ADGRG6: variants seen among roughly 807,000 people sequenced by gnomAD.
ADGRG6 encodes the protein adhesion G protein-coupled receptor G6, also known as G-protein coupled receptor 126.
In ADGRG6, 84 loss-of-function variants were observed where a neutral mutation model predicts 142.4. The observed-to-expected ratio is 0.59, with a 90% CI of 0.49 to 0.71. The LOEUF is 0.71. ADGRG6 is among the 30% of genes least tolerant of loss of function. The pLI, the probability that ADGRG6 is intolerant of heterozygous loss-of-function variation, is 0.00. For synonymous variants in ADGRG6, 521 were observed against 520.5 expected, an observed-to-expected ratio of 1.00 and a Z score of -0.01; for missense variants, 1,367 against 1,466.6, an observed-to-expected ratio of 0.93 and a Z score of 1.11.
At chr6:142,372,502 G>A (rs1045228044) in intron 4 of ADGRG6, among the ~76,000 whole-genome samples, 2 of 152,130 alleles carry the variant, frequency 1.3e-5, no homozygotes, top group Non-Finnish European at 2.9e-5. Context: ...CCACCTGTTC[G>A]TGTGGTCCAT....
chr6:142,376,498 A>AT (rs1210800592), intron 4 of ADGRG6, among the ~76,000 whole-genome samples: 31 of 152,048 alleles, frequency 2.0e-4, no homozygotes, highest in Middle Eastern at 3.4e-3. Context: ...CCTCTCTAGG[A>AT]TTTTTTACAG....
rs140766450 is a variant in ADGRG6, at chr6:142,398,458, T to G, written c.1567+703T>G. 2.6e-5 allele frequency among the ~76,000 whole-genome samples: 4 copies of G among 152,234 alleles called. No individual in the cohort carries two copies. The East Asian group carries it at 7.7e-4, about 29-fold the overall frequency. ...AAACAGAAAACGTCTCCTTCTCTCA[T>G]GTTCCCTGTCTCTATTAGTGATACC... On this transcript the variant is annotated intron_variant, in intron 10 of 24. Coordinates refer to ENST00000367609, the MANE Select transcript of ADGRG6 (RefSeq NM_198569.3).
intron 2 of ADGRG6, among the ~76,000 whole-genome samples, chr6:142,322,786 A>T (rs1232281929): frequency 6.6e-6 from 1 of 152,030 alleles, no homozygotes. Flanking sequence ...TTTTAATGTA[A>T]CAGAGTGGTT....
At chr6:142,434,855 C>A (rs1369065737) in intron 22 of ADGRG6, among the ~76,000 whole-genome samples, 4 of 152,028 alleles carry the variant, frequency 2.6e-5, no homozygotes, top group Non-Finnish European at 4.4e-5. Flanking sequence ...GTGATCAGGA[C>A]CCATCATGTA....
intron 2 of ADGRG6, among the ~76,000 whole-genome samples, chr6:142,317,369 T>C (rs1778136394): frequency 6.6e-6 from 1 of 151,984 alleles, no homozygotes; most frequent in South Asian, 2.1e-4. Context: ...AATCAGTAAA[T>C]GTGTAGCAAA....
intron 14 of ADGRG6, chr6:142,405,216 T>C (rs1383984452): frequency 5.2e-6 from 2 of 384,286 alleles, no homozygotes; most frequent in East Asian, 7.2e-5. Context: ...GCATTCTTTG[T>C]CCTTGAGCTA....
rs1488294396 is a variant in ADGRG6, at chr6:142,400,581, C to T, written c.1664C>T (p.Ser555Phe). The T allele has an allele frequency of 1.3e-6, 2 of 1,571,826 alleles. No individual in the cohort carries two copies. The highest frequency in any genetic ancestry group is 3.3e-5 in the Admixed American group (2 of 59,734). ...VLPCPDKPGF[S>F]ASRICFYNAT... ...CCTTGTCCAGACAAGCCTGGCTTTTCTGCTTCTCGGATATGGTAATATTTT... is the reference window on the plus strand; with the variant it reads ...CCTTGTCCAGACAAGCCTGGCTTTTTTGCTTCTCGGATATGGTAATATTTT... Residue 555 changes from serine (S) to phenylalanine (F), a missense_variant, in exon 11 of 25, where the codon TCT (serine) becomes TTT (phenylalanine). Ser to Phe is a radical substitution (Grantham distance 155). This residue lies in a region of ADGRG6 where 737 missense variants were observed against 746.5 expected (regional missense o/e 0.99). Coordinates refer to ENST00000367609, the MANE Select transcript of ADGRG6 (RefSeq NM_198569.3).
At chr6:142,404,552 G>A (rs1047007401) in intron 14 of ADGRG6, among the ~76,000 whole-genome samples, 2 of 152,086 alleles carry the variant, frequency 1.3e-5, no homozygotes, top group Non-Finnish European at 2.9e-5. Flanking sequence ...GCTGAGGCAC[G>A]AGAATCACTT....
rs772304278 is a variant in ADGRG6, at chr6:142,370,267, T to C, written c.543T>C (p.Ser181=). Residue 181 remains serine (S), a synonymous_variant, in exon 4 of 25, where the codon AGT becomes AGC. Transcript: ENST00000367609. Reference sequence around the variant, plus strand: ...AAAGCATCTCTATTCCAGAGCTCAGTGCTTTCACACTCTGCTTTGAAGCAA... The same window carrying C: ...AAAGCATCTCTATTCCAGAGCTCAGCGCTTTCACACTCTGCTTTGAAGCAA... The part of the protein sequence containing the change: ...VAKSISIPEL[S]AFTLCFEATK... The C allele has an allele frequency of 1.2e-6, 2 of 1,613,820 alleles. No homozygotes were observed. Among genetic ancestry groups the C allele is most frequent in the Non-Finnish European group, 1.7e-6 (2 of 1,179,760 alleles).
intron 7 of ADGRG6, among the ~76,000 whole-genome samples, chr6:142,391,253 A>G (rs1275817302): frequency 6.6e-6 from 1 of 151,712 alleles, no homozygotes; most frequent in Non-Finnish European, 1.5e-5. Context: ...TCCTACCTAC[A>G]GCATACTGTG....
At chr6:142,349,828 TA>T (rs1780077696) in intron 2 of ADGRG6, among the ~76,000 whole-genome samples, 1 of 152,218 alleles carries the variant, frequency 6.6e-6, no homozygotes, top group South Asian at 2.1e-4. Flanking sequence ...TCTGTCTGGC[TA>T]AAAAGCTCAT....
chr6:142,382,083 G>T, intron 5 of ADGRG6, 64 bp downstream of exon 5: 2 of 940,062 alleles, frequency 2.1e-6, no homozygotes, highest in South Asian at 3.0e-5. Context: ...GGGTAATGTG[G>T]TTGTCATTGT....
At chr6:142,428,880 T>C (rs371975989) in intron 22 of ADGRG6, among the ~76,000 whole-genome samples, 4 of 152,138 alleles carry the variant, frequency 2.6e-5, no homozygotes, top group African/African-American at 9.7e-5. Flanking sequence ...AGAGTAAACA[T>C]TTTGTTGATT....
At chr6:142,426,447 G>C (rs1436425184) in intron 22 of ADGRG6, among the ~76,000 whole-genome samples, 1 of 152,160 alleles carries the variant, frequency 6.6e-6, no homozygotes, top group Non-Finnish European at 1.5e-5. Context: ...CAAGAGGTGG[G>C]TTCCCATGGT....
intron 21 of ADGRG6, among the ~76,000 whole-genome samples, chr6:142,418,645 C>G (rs1776495550): frequency 6.6e-6 from 1 of 152,006 alleles, no homozygotes; most frequent in South Asian, 2.1e-4. Flanking sequence ...ACTGCTATAC[C>G]ATTAGGACAT....
At chr6:142,338,110 TC>T (rs1308456311) in intron 2 of ADGRG6, among the ~76,000 whole-genome samples, 1 of 141,574 alleles carries the variant, frequency 7.1e-6, no homozygotes, top group Non-Finnish European at 1.5e-5. Context: ...AAGCTCTGCC[TC>T]CCGGGTTCAC....
At chr6:142,441,646 A>G (rs538431308) in intron 24 of ADGRG6, among the ~76,000 whole-genome samples, 1 of 152,318 alleles carries the variant, frequency 6.6e-6, no homozygotes, top group Non-Finnish European at 1.5e-5. Context: ...TTACAAAGGA[A>G]ACAGAGTGAC....
chr6:142,363,146 C>T (rs1780797065), intron 2 of ADGRG6, among the ~76,000 whole-genome samples: 1 of 152,096 alleles, frequency 6.6e-6, no homozygotes, highest in Non-Finnish European at 1.5e-5. Context: ...CCATTTAACA[C>T]AGTCTAGAAG....
chr6:142,425,882 G>A (rs1448487210), intron 22 of ADGRG6, among the ~76,000 whole-genome samples: 3 of 152,146 alleles, frequency 2.0e-5, no homozygotes, highest in Non-Finnish European at 2.9e-5. Context: ...GAGAGTTTGT[G>A]CAGAAAAACT....
Sources: allele counts gnomAD v4.1 joint callset (sites outside exome capture counted in the v4.1 genomes callset), GRCh38; gene constraint gnomAD v4.1.1; regional missense constraint gnomAD v4.1.1; transcripts MANE v1.5; gene names NCBI Gene and HGNC (gene_info 2026-07-23, HGNC 2026-07-21).